Variants in ALDH1L1 observed in about 807,000 individuals in gnomAD.
The protein encoded by ALDH1L1 is cytosolic 10-formyltetrahydrofolate dehydrogenase.
In ALDH1L1, 68 loss-of-function variants were observed where a neutral mutation model predicts 101.1. The observed-to-expected ratio is 0.67, with a 90% CI of 0.55 to 0.82. The LOEUF (loss-of-function observed/expected upper bound fraction) is 0.82, where lower values mean the gene tolerates loss of function less well. Among genes scored for constraint, ALDH1L1 ranks in the 40% least tolerant of loss-of-function variants. The pLI, the probability that ALDH1L1 is intolerant of heterozygous loss-of-function variation, is 0.00. For synonymous variants in ALDH1L1, 486 were observed against 470.8 expected (o/e 1.03, Z -0.42); for missense variants, 1,087 against 1,172.7 (o/e 0.93, Z 1.07).
intron 8 of ALDH1L1, among the ~76,000 whole-genome samples, chr3:126,148,131 G>T (rs957259500): frequency 3.3e-5 from 5 of 152,148 alleles, no homozygotes; most frequent in South Asian, 2.1e-4. Flanking sequence ...CTTATCAGAT[G>T]AGAGTGGAGC....
At chr3:126,141,436 G>T (rs1181182194) in intron 9 of ALDH1L1, among the ~76,000 whole-genome samples, 1 of 152,038 alleles carries the variant, frequency 6.6e-6, no homozygotes, top group East Asian at 1.9e-4. Context: ...CATTCTTCAT[G>T]ATAAATCATT....
rs374944497 is a variant in ALDH1L1 at position 126,153,622 on chromosome 3, A to C, written c.721-41T>G. 6 of 1,585,760 alleles carry C rather than the reference A, an allele frequency of 3.8e-6. No individual in the cohort carries two copies. The African/African-American group carries it at 6.7e-5, about 18-fold the overall frequency. On this transcript the variant is annotated intron_variant, in intron 6 of 22. Transcript: ENST00000393434. ...ATATCAGAAGATGGTGGGTGAGAAG[A>C]AGCCCCCGAAGCCAGTAGCCCAGGC...
At chr3:126,134,350 G>C (rs1559937598) in intron 12 of ALDH1L1, among the ~76,000 whole-genome samples, 2 of 152,170 alleles carry the variant, frequency 1.3e-5, no homozygotes, top group South Asian at 2.1e-4. Flanking sequence ...GAGGCCAAGG[G>C]AGGGACCCCA....
chr3:126,180,503 C>G lies in ALDH1L1; in HGVS notation c.-51G>C, dbSNP rs1056824294. On this transcript the variant is annotated 5_prime_UTR_variant, in exon 1 of 23. Coordinates refer to ENST00000393434, the MANE Select transcript of ALDH1L1 (RefSeq NM_012190.4). ...CGCGCAGGAGTTGGTGCGGGCGTCC[C>G]GGGCAGGTTAGACTTCTGTGAGCCG... The G allele has an allele frequency of 3.0e-6, 3 of 1,000,372 alleles. No homozygotes were observed. The highest frequency in any genetic ancestry group is 1.7e-5 in the African/African-American group (1 of 57,702). The allele number at this position is 1,000,372 out of a possible 1,614,324, so 62.0% of individuals were successfully genotyped here.
At chr3:126,145,065 G>A (rs1426237818) in intron 9 of ALDH1L1, among the ~76,000 whole-genome samples, 2 of 152,020 alleles carry the variant, frequency 1.3e-5, no homozygotes, top group African/African-American at 4.8e-5. Context: ...TGACCAACAG[G>A]TATATGAAAA....
At chr3:126,196,061 T>G (rs896856945) in intron 1 of ALDH1L1, among the ~76,000 whole-genome samples, 1 of 151,992 alleles carries the variant, frequency 6.6e-6, no homozygotes, top group East Asian at 1.9e-4. Context: ...TGTATACATA[T>G]GTAACAAACC....
At chr3:126,107,336 C>A in intron 20 of ALDH1L1, 90 bp from the exon 21 acceptor site, 1 of 1,051,802 alleles carries the variant, frequency 9.5e-7, no homozygotes, top group Admixed American at 1.7e-5. Context: ...CCACACCAGC[C>A]ACCTGCGGAT....
At chr3:126,178,782 G>C (rs768186659) in intron 1 of ALDH1L1, among the ~76,000 whole-genome samples, 1 of 152,094 alleles carries the variant, frequency 6.6e-6, no homozygotes, top group East Asian at 1.9e-4. Flanking sequence ...GTGTGCATGC[G>C]TGTGTTTATC....
chr3:126,117,684 C>A (rs1346891728), intron 17 of ALDH1L1, among the ~76,000 whole-genome samples: 7 of 139,046 alleles, frequency 5.0e-5, no homozygotes, highest in East Asian at 3.9e-4. Flanking sequence ...CAAAAAAAAA[C>A]CCCAAACATC....
Position 126,136,807 on chromosome 3 carries a change from T to C in ALDH1L1, c.1301A>G (p.Glu434Gly). 6.3e-7 allele frequency: 1 copy of C among 1,599,300 alleles called. No individual in the cohort carries two copies. Among genetic ancestry groups the C allele is most frequent in the Non-Finnish European group, 8.5e-7 (1 of 1,172,852 alleles). The change falls in exon 11 of 23, where the codon GAG becomes GGG. Residue 434 changes from glutamate to glycine, a missense_variant. Physicochemically the swap from Glu to Gly is moderately conservative, Grantham distance 98. This residue lies in a region of ALDH1L1 where 645 missense variants were observed against 637.0 expected (regional missense o/e 1.01). Transcript: ENST00000393434. ...LFIGGEFVDA[E>G]GAKTSETINP... ...GATGGTCTCAGAGGTCTTGGCGCCC[T>C]CGGCATCCACGAACTCCCCCCCAAT... is the stretch of plus-strand genomic sequence containing the variant.
chr3:126,163,212 T>C (rs906863056), intron 1 of ALDH1L1, among the ~76,000 whole-genome samples: 6 of 152,238 alleles, frequency 3.9e-5, no homozygotes, highest in African/African-American at 1.4e-4. Flanking sequence ...GCAATGTTTA[T>C]TCGAGTTTTG....
intron 12 of ALDH1L1, among the ~76,000 whole-genome samples, chr3:126,134,775 C>T (rs1199579016): frequency 6.6e-6 from 1 of 152,186 alleles, no homozygotes. Flanking sequence ...AACTTGGCTT[C>T]GCACCCCTAG....
intron 1 of ALDH1L1, among the ~76,000 whole-genome samples, chr3:126,165,461 C>A (rs898362691): frequency 8.5e-5 from 13 of 152,254 alleles, no homozygotes; most frequent in African/African-American, 2.9e-4. Context: ...AGGATCCCCT[C>A]CTTTTCAATT....
chr3:126,121,880 G>T lies in ALDH1L1; in HGVS notation c.1888+2484C>A, dbSNP rs561092984. Among the ~76,000 whole-genome samples the T allele has an allele frequency of 2.6e-5, 4 of 152,288 alleles. No homozygotes were observed. The South Asian group carries it at 8.3e-4, about 32-fold the overall frequency. ...CAGGCCACCAAGCCCTCTCATTTCT[G>T]CCAACTCTCAGTTGCAGAAGCTAAG... On this transcript the variant is annotated intron_variant, in intron 16 of 22. Transcript: ENST00000393434.
intron 1 of ALDH1L1, among the ~76,000 whole-genome samples, chr3:126,169,645 T>C (rs1369561289): frequency 3.9e-5 from 6 of 152,198 alleles, no homozygotes; most frequent in Non-Finnish European, 8.8e-5. Context: ...TTCACCCAAC[T>C]CATAAGTATT....
chr3:126,135,389 TG>T, intron 12 of ALDH1L1, 145 bp downstream of exon 12: 1 of 1,086,200 alleles, frequency 9.2e-7, no homozygotes, highest in Non-Finnish European at 1.3e-6. Context: ...AGCCCCAGCC[TG>T]GCCCATCTGA....
At chr3:126,181,312 T>A, upstream of ALDH1L1, 1 of 422,484 alleles carries the variant, frequency 2.4e-6, no homozygotes, top group Non-Finnish European at 4.4e-6. Context: ...CTCCTTCTCC[T>A]GGAACACCCT....
chr3:126,192,629 G>A (rs1314887860), intron 1 of ALDH1L1, among the ~76,000 whole-genome samples: 1 of 152,216 alleles, frequency 6.6e-6, no homozygotes, highest in African/African-American at 2.4e-5. Flanking sequence ...TGAGTTACTA[G>A]AAGAGTGTCA....
At chr3:126,136,702 G>A (rs530165826) in intron 11 of ALDH1L1, 62 bp downstream of exon 11, 532 of 1,548,216 alleles carry the variant, frequency 3.4e-4, no homozygotes, top group Non-Finnish European at 4.4e-4. Flanking sequence ...GCCAGTGGGG[G>A]CAGGGAAGGA....
Sources: gnomAD v4.1 joint callset for allele counts (sites outside exome capture counted in the v4.1 genomes callset) on GRCh38, gnomAD v4.1.1 for gene constraint, gnomAD v4.1.1 regional missense constraint, MANE v1.5 for transcripts, NCBI Gene and HGNC (gene_info 2026-07-23, HGNC 2026-07-21) for gene names.